The following SORCS2 variants were observed in gnomAD, a reference collection of about 807,000 sequenced individuals.
SORCS2 encodes sortilin related VPS10 domain containing receptor 2.
In SORCS2, 100 loss-of-function variants were observed where a neutral mutation model predicts 141.6. The ratio of observed to expected loss-of-function variants is 0.71; its 90% CI spans 0.60 to 0.83. The LOEUF is 0.83. Ranked by LOEUF, SORCS2 falls within the 40% of genes least tolerant of loss-of-function variation. The pLI is 0.00. For synonymous variants in SORCS2, 789 were observed against 676.9 expected (o/e 1.17, Z -2.57); for missense variants, 1,646 against 1,560.2 (o/e 1.05, Z -0.93).
intron 1 of SORCS2, among the ~76,000 whole-genome samples, chr4:7,258,912 C>A (rs184546977): frequency 1.3e-5 from 2 of 152,344 alleles, no homozygotes; most frequent in Admixed American, 1.3e-4. Context: ...TTGTTGGCTG[C>A]ATAAGTGTCT....
At chr4:7,657,478 G>A in intron 5 of SORCS2, among the ~76,000 whole-genome samples, 1 of 128,108 alleles carries the variant, frequency 7.8e-6, no homozygotes, top group East Asian at 2.4e-4. Flanking sequence ...TAAATGAGTA[G>A]GTGAGTCAAT....
At chr4:7,288,822 G>A (rs1289565856) in intron 1 of SORCS2, among the ~76,000 whole-genome samples, 1 of 150,788 alleles carries the variant, frequency 6.6e-6, no homozygotes, top group Admixed American at 6.6e-5. Context: ...GCACAGTTCA[G>A]TCTGTCCTCA....
intron 3 of SORCS2, among the ~76,000 whole-genome samples, chr4:7,598,297 G>A (rs1019320736): frequency 3.7e-4 from 57 of 152,178 alleles, no homozygotes; most frequent in African/African-American, 1.3e-3. Context: ...GAGTGAGGAG[G>A]TGGAGGGCTG....
Position 7,638,479 on chromosome 4 carries a change from C to A in SORCS2, c.800C>A (p.Thr267Lys). 6.2e-7 allele frequency: 1 copy of A among 1,610,956 alleles called. No individual in the cohort carries two copies. The highest frequency in any genetic ancestry group is 8.5e-7 in the Non-Finnish European group (1 of 1,178,910). ...PKEEDKVLAY[T>K]KESKLYVSSD... ...GAGGAGGACAAGGTCCTCGCCTACA[C>A]AAAGGAGAGCAAGGTAAGATATATG... Residue 267 changes from threonine (T) to lysine (K), a missense_variant, in exon 4 of 27, where the codon ACA (threonine) becomes AAA (lysine). Physicochemically the swap from Thr to Lys is moderately conservative, Grantham distance 78 (BLOSUM62 -1). Coordinates refer to ENST00000507866, the MANE Select transcript of SORCS2 (RefSeq NM_020777.3).
At chr4:7,535,478 C>T (rs1224106794) in intron 3 of SORCS2, among the ~76,000 whole-genome samples, 2 of 152,202 alleles carry the variant, frequency 1.3e-5, no homozygotes, top group Non-Finnish European at 2.9e-5. Context: ...AGACCTTGAG[C>T]AAGTGTGAAC....
intron 1 of SORCS2, among the ~76,000 whole-genome samples, chr4:7,280,703 C>T (rs1374537481): frequency 6.6e-6 from 1 of 152,204 alleles, no homozygotes; most frequent in Non-Finnish European, 1.5e-5. Context: ...TCCGCATCCT[C>T]GCCAGCATTT....
intron 2 of SORCS2, among the ~76,000 whole-genome samples, chr4:7,476,140 A>G (rs1320357401): frequency 2.6e-5 from 4 of 152,220 alleles, no homozygotes; most frequent in Admixed American, 6.5e-5. Flanking sequence ...CTCCAGGAAA[A>G]CAGAATCATA....
chr4:7,392,129 T>C (rs1376147085), intron 1 of SORCS2, among the ~76,000 whole-genome samples: 1 of 152,216 alleles, frequency 6.6e-6, no homozygotes, highest in Non-Finnish European at 1.5e-5. Context: ...GACCTGGCCC[T>C]GGTCCTGGCT....
At chr4:7,313,337 C>T (rs1418797209) in intron 1 of SORCS2, among the ~76,000 whole-genome samples, 1 of 152,230 alleles carries the variant, frequency 6.6e-6, no homozygotes, top group African/African-American at 2.4e-5. Flanking sequence ...TCTGGGGACA[C>T]ACAGCAGGGA....
intron 23 of SORCS2, among the ~76,000 whole-genome samples, chr4:7,730,816 C>T (rs1711600925): frequency 6.6e-6 from 1 of 152,152 alleles, no homozygotes; most frequent in Non-Finnish European, 1.5e-5. Context: ...AGTGGTAATG[C>T]TTGCACAACT....
chr4:7,241,003 C>T (rs1399362597), intron 1 of SORCS2, among the ~76,000 whole-genome samples: 5 of 152,188 alleles, frequency 3.3e-5, no homozygotes, highest in East Asian at 1.9e-4. Context: ...GGCACGATCT[C>T]GGCTCACTGC....
At chr4:7,654,228 C>G (rs780834295) in intron 5 of SORCS2, 21 bp downstream of exon 5, 48 of 1,563,216 alleles carry the variant, frequency 3.1e-5, no homozygotes, top group Non-Finnish European at 3.9e-5. Flanking sequence ...TTCCCCACCC[C>G]AAACCCATGG....
rs924375073 is a variant in SORCS2 at position 7,210,209 on chromosome 4, C to G, written c.480+17083C>G. On this transcript the variant is annotated intron_variant, in intron 1 of 26. Transcript: ENST00000507866. ...GTGGATAATGTGAAGGCTGGGCCCC[C>G]GGTCATCTTTGGCGCCCACCCACTC... Among the ~76,000 whole-genome samples, 4 of 152,204 alleles carry G rather than the reference C, an allele frequency of 2.6e-5. No individual in the cohort carries two copies. In the East Asian group the frequency reaches 7.7e-4, roughly 29 times the overall value.
intron 1 of SORCS2, among the ~76,000 whole-genome samples, chr4:7,310,006 A>G (rs1361914962): frequency 2.6e-5 from 4 of 152,234 alleles, no homozygotes; most frequent in Admixed American, 1.3e-4. Context: ...CTCAAAGGCT[A>G]TGAGTTTTCC....
chr4:7,383,613 G>A (rs1011424579), intron 1 of SORCS2, among the ~76,000 whole-genome samples: 2 of 152,086 alleles, frequency 1.3e-5, no homozygotes, highest in African/African-American at 2.4e-5. Context: ...TTTTTATGTC[G>A]AAAGACGCTC....
chr4:7,282,860 G>T (rs1378764901), intron 1 of SORCS2, among the ~76,000 whole-genome samples: 1 of 152,176 alleles, frequency 6.6e-6, no homozygotes, highest in Non-Finnish European at 1.5e-5. Context: ...CCACTAAGAT[G>T]CTTGTCTGTG....
intron 1 of SORCS2, among the ~76,000 whole-genome samples, chr4:7,213,905 G>T (rs536839928): frequency 6.6e-6 from 1 of 152,222 alleles, no homozygotes; most frequent in Non-Finnish European, 1.5e-5. Flanking sequence ...CTGGAAGCTG[G>T]CTTCCTGGGG....
At position 7,648,605 on chromosome 4, in the gene SORCS2, C is replaced by T. The variant is rs1373236614; in HGVS notation, c.814-5529C>T. ...GAGGATGGGGGCGCAGAGCAGATGA[C>T]GAGGGATGGGTTAGAAGCTGCTGGG... is the stretch of plus-strand genomic sequence containing the variant. On this transcript the variant is annotated intron_variant, in intron 4 of 26. Transcript: ENST00000507866. The surrounding 1 kb of genome is among the most constrained non-coding windows in gnomAD (Gnocchi z 4.2). 2.6e-5 allele frequency among the ~76,000 whole-genome samples: 4 copies of T among 151,566 alleles called. No homozygotes were observed. Among genetic ancestry groups the T allele is most frequent in the Non-Finnish European group, 5.9e-5 (4 of 67,930 alleles).
At chr4:7,349,281 C>A (rs1281646256) in intron 1 of SORCS2, among the ~76,000 whole-genome samples, 1 of 152,152 alleles carries the variant, frequency 6.6e-6, no homozygotes, top group Non-Finnish European at 1.5e-5. Context: ...GCCCCTCTGC[C>A]CCAGTGATGA....
Sources: allele counts gnomAD v4.1 joint callset (sites outside exome capture counted in the v4.1 genomes callset), GRCh38; gene constraint gnomAD v4.1.1; non-coding constraint Gnocchi (gnomAD v3.1); transcripts MANE v1.5; gene names NCBI Gene and HGNC (gene_info 2026-07-23, HGNC 2026-07-21).